AP1M1: variants seen among roughly 807,000 people sequenced by gnomAD.
AP1M1 encodes the protein adaptor related protein complex 1 subunit mu 1.
A neutral mutation model predicts 57.1 loss-of-function variants in AP1M1; 18 were observed. That is an observed-to-expected ratio of 0.32 (90% confidence interval 0.22 to 0.47). The LOEUF (loss-of-function observed/expected upper bound fraction) is 0.47. Ranked by LOEUF, AP1M1 falls within the 20% of genes least tolerant of loss-of-function variation. AP1M1 has a pLI of 1.00. For missense variants in AP1M1, 362 were observed against 593.5 expected (o/e 0.61, Z 4.05); for synonymous variants, 241 against 237.9 (o/e 1.01, Z -0.12).
intron 9 of AP1M1, among the ~76,000 whole-genome samples, chr19:16,230,365 A>G (rs921908320): frequency 6.6e-6 from 1 of 151,774 alleles, no homozygotes; most frequent in Non-Finnish European, 1.5e-5. Context: ...TCTCCTAGAC[A>G]TAATACTGTT....
rs1471632253 is a variant in AP1M1, at chr19:16,237,462, G to T, written c.*3027G>T. 2 of 151,350 alleles carry T rather than the reference G, an allele frequency of 1.3e-5. No homozygotes were observed. Among genetic ancestry groups the T allele is most frequent in the Non-Finnish European group, 2.9e-5 (2 of 68,008 alleles). 9.4% of individuals were successfully genotyped at this position (151,350 alleles called of 1,614,324 possible). A position where few individuals can be genotyped will look rare whatever the true frequency, so the allele number is the denominator to read the frequency against. ...ACACAACAAAAACCGGCCTAGCGCA[G>T]TGGCTTATGCCTGTAATCCCAGCAC... On this transcript the variant is annotated 3_prime_UTR_variant, in exon 12 of 12. Transcript: ENST00000291439.
In AP1M1 at chr19:16,200,323, A is replaced by G. The variant is rs888292247; in HGVS notation, c.42+2255A>G. Among the ~76,000 whole-genome samples the G allele has an allele frequency of 2.6e-5, 4 of 152,168 alleles. No homozygotes were observed. In the East Asian group the frequency reaches 5.8e-4, roughly 22 times the overall value. ...GGAAGTAGGTTTGGAAGGCACGATC[A>G]TGTGGAAAAGAGGTGTTGCAAGGGG... On this transcript the variant is annotated intron_variant, in intron 1 of 11. Transcript: ENST00000291439.
chr19:16,201,147 TCTC>T lies in AP1M1; in HGVS notation c.43-2308_43-2306del, dbSNP rs2091445197. 5.3e-5 allele frequency among the ~76,000 whole-genome samples: 8 copies of T among 152,256 alleles called. No individual in the cohort carries two copies. In the South Asian group the frequency reaches 1.7e-3, roughly 32 times the overall value. On this transcript the variant is annotated intron_variant, in intron 1 of 11. Transcript: ENST00000291439. ...CTGGACGTTATCCTCGCCTCCTTTG[TCTC>T]CTCACCCCTGTTTTCACTCCACAAA...
At position 16,206,329 on chromosome 19, in the gene AP1M1, G is replaced by A. The variant is rs770958269; in HGVS notation, c.200-12G>A. On this transcript the variant is annotated splice_polypyrimidine_tract_variant and intron_variant, in intron 2 of 11. Coordinates refer to ENST00000291439, the MANE Select transcript of AP1M1 (RefSeq NM_032493.4). This position sits in a 1 kb window ranked among gnomAD's most constrained non-coding sequence, Gnocchi z 4.3. Reference sequence around the variant, plus strand: ...AGCCTCTGAATGCTCCTTAACTGTGGCCGCCATGCAGTGGTTGCCACATCC... The same window carrying A: ...AGCCTCTGAATGCTCCTTAACTGTGACCGCCATGCAGTGGTTGCCACATCC... The A allele has an allele frequency of 5.0e-6, 8 of 1,614,074 alleles. No homozygotes were observed. The African/African-American group carries it at 6.7e-5, about 13-fold the overall frequency.
At chr19:16,198,264 C>T in intron 1 of AP1M1, 196 bp downstream of exon 1, 3 of 420,906 alleles carry the variant, frequency 7.1e-6, no homozygotes, top group Non-Finnish European at 1.3e-5. Flanking sequence ...TAATCCCCGC[C>T]CTGTTGCTAC....
In AP1M1 at chr19:16,242,316, AAAAAAT is replaced by A. The variant is rs1039720506; in HGVS notation, c.*7886_*7891del. The A allele has an allele frequency of 3.1e-4, 47 of 151,624 alleles. No homozygotes were observed. In the Middle Eastern group the frequency reaches 0.01, roughly 33 times the overall value. 9.4% of individuals were successfully genotyped at this position (151,624 alleles called of 1,614,324 possible). On this transcript the variant is annotated 3_prime_UTR_variant, in exon 12 of 12. Coordinates refer to ENST00000291439, the MANE Select transcript of AP1M1 (RefSeq NM_032493.4). ...CAGAGTGACACCCTGCCTCAAAAAA[AAAAAAT>A]AAAATAAAGGAAAAATCAGGATAAA...
At position 16,197,985 on chromosome 19, in the gene AP1M1, C is replaced by CGCCACCGCCCTCGGCCGCTGCCGCA; in HGVS notation, c.-19_-18insCAGCCACCGCCCTCGGCCGCTGCCG. 3 of 1,537,410 alleles carry CGCCACCGCCCTCGGCCGCTGCCGCA rather than the reference C, an allele frequency of 2.0e-6. No individual in the cohort carries two copies. Among genetic ancestry groups the CGCCACCGCCCTCGGCCGCTGCCGCA allele is most frequent in the Non-Finnish European group, 1.7e-6 (2 of 1,143,498 alleles). On this transcript the variant is annotated 5_prime_UTR_variant, in exon 1 of 12. Transcript: ENST00000291439. ...CAGCAGTCCCCACCGTCGCTGCCGC[C>CGCCACCGCCCTCGGCCGCTGCCGCA]GCCACCGCCCTCGGCCGCTGCCGAG...
chr19:16,205,370 ACCCATGAGAAGGTGAGAGGCC>A (rs974351724), intron 2 of AP1M1, among the ~76,000 whole-genome samples: 9 of 152,124 alleles, frequency 5.9e-5, no homozygotes, highest in African/African-American at 9.7e-5. Context: ...GCTGAGAGGC[ACCCATGAGAAGGTGAGAGGCC>A]CCCACTGCCC....
At position 16,239,595 on chromosome 19, in the gene AP1M1, C is replaced by A. The variant is rs2091637951; in HGVS notation, c.*5160C>A. 1 of 151,842 alleles carries A rather than the reference C, an allele frequency of 6.6e-6. No homozygotes were observed. Among genetic ancestry groups the A allele is most frequent in the Non-Finnish European group, 1.5e-5 (1 of 67,974 alleles). 9.4% of individuals were successfully genotyped at this position (151,842 alleles called of 1,614,324 possible). On this transcript the variant is annotated 3_prime_UTR_variant, in exon 12 of 12. Coordinates refer to ENST00000291439, the MANE Select transcript of AP1M1 (RefSeq NM_032493.4). The stretch of plus-strand genomic sequence containing the variant: ...GTCAGGAGTTTGAGACCAGCCTGGC[C>A]AACATGGTAAAACCTGATTGCTACT...
rs1450772183 is a variant in AP1M1 at position 16,244,717 on chromosome 19, C to T, written c.*10282C>T. The T allele has an allele frequency of 6.6e-6, 1 of 151,814 alleles. No homozygotes were observed. The highest frequency in any genetic ancestry group is 2.4e-5 in the African/African-American group (1 of 41,394). The allele number at this position is 151,814 out of a possible 1,614,324, so 9.4% of individuals were successfully genotyped here. On this transcript the variant is annotated 3_prime_UTR_variant, in exon 12 of 12. Coordinates refer to ENST00000291439, the MANE Select transcript of AP1M1 (RefSeq NM_032493.4). The stretch of plus-strand genomic sequence containing the variant: ...CGGTGGCGGGCGCCTGTAGTCCCAG[C>T]TACTCCGGAGGCTGAGGCAGGAGAA...
Position 16,228,008 on chromosome 19 carries a change from C to A in AP1M1, c.817-129C>A. ...CTGGCCCTCCCTGACGCTGGCTGTA[C>A]GCTCCCTGCAGGGCTCTGGGCCCAC... On this transcript the variant is annotated intron_variant, in intron 7 of 11. Transcript: ENST00000291439. This position sits in a 1 kb window ranked among gnomAD's most constrained non-coding sequence, Gnocchi z 5.0. 1.0e-6 allele frequency: 1 copy of A among 998,476 alleles called. No homozygotes were observed. Among genetic ancestry groups the A allele is most frequent in the Non-Finnish European group, 1.5e-6 (1 of 662,142 alleles). The allele number at this position is 998,476 out of a possible 1,614,324, so 61.9% of individuals were successfully genotyped here.
chr19:16,221,665 T>G (rs533723899), intron 5 of AP1M1, among the ~76,000 whole-genome samples: 1 of 152,372 alleles, frequency 6.6e-6, no homozygotes, highest in South Asian at 2.1e-4. Context: ...ACATCCTTTA[T>G]GTCTAAAACA....
At position 16,237,982 on chromosome 19, in the gene AP1M1, G is replaced by A. The variant is rs2091631559; in HGVS notation, c.*3547G>A. ...GCCTCTTGAGGAGCTGGGACTACAAGCACATGCCACCATGCTGGGCCAATT... is the reference window on the plus strand; with the variant it reads ...GCCTCTTGAGGAGCTGGGACTACAAACACATGCCACCATGCTGGGCCAATT... On this transcript the variant is annotated 3_prime_UTR_variant, in exon 12 of 12. Transcript: ENST00000291439. 1 of 152,048 alleles carries A rather than the reference G, an allele frequency of 6.6e-6. No individual in the cohort carries two copies. Among genetic ancestry groups the A allele is most frequent in the African/African-American group, 2.4e-5 (1 of 41,412 alleles). The allele number at this position is 152,048 out of a possible 1,614,324, so 9.4% of individuals were successfully genotyped here.
intron 5 of AP1M1, among the ~76,000 whole-genome samples, chr19:16,215,463 C>CAAAAAAAAAAA (rs59357311): frequency 9.7e-5 from 3 of 31,004 alleles, no homozygotes; most frequent in African/African-American, 2.5e-4. Flanking sequence ...GATTCCATCT[C>CAAAAAAAAAAA]AAAAAAAAAA....
At chr19:16,222,886 A>G (rs1002770077) in intron 5 of AP1M1, among the ~76,000 whole-genome samples, 1 of 152,124 alleles carries the variant, frequency 6.6e-6, no homozygotes, top group Non-Finnish European at 1.5e-5. Flanking sequence ...GAGACTTTCT[A>G]TTTTAACATT....
intron 5 of AP1M1, among the ~76,000 whole-genome samples, chr19:16,221,321 C>T (rs776536525): frequency 2.6e-5 from 4 of 152,210 alleles, no homozygotes; most frequent in Admixed American, 6.5e-5. Flanking sequence ...GTTTTCTCAG[C>T]AAGGCAAATT....
At chr19:16,231,803 GGA>G (rs2091599999) in intron 9 of AP1M1, among the ~76,000 whole-genome samples, 2 of 152,226 alleles carry the variant, frequency 1.3e-5, no homozygotes, top group African/African-American at 4.8e-5. Flanking sequence ...CCCCAGAAGT[GGA>G]ATTGCTGGAT....
At chr19:16,204,542 A>T (rs1202358678) in intron 2 of AP1M1, among the ~76,000 whole-genome samples, 2 of 152,186 alleles carry the variant, frequency 1.3e-5, no homozygotes, top group African/African-American at 4.8e-5. Context: ...CCCAGCAGGC[A>T]TGGGCTCTGT....
Position 16,228,827 on chromosome 19 carries a change from G to A in AP1M1, c.946G>A (p.Val316Met). Residue 316 changes from valine (V) to methionine (M), a missense_variant, in exon 9 of 12, where the codon GTG becomes ATG. Transcript: ENST00000291439. The surrounding 1 kb of genome is among the most constrained non-coding windows in gnomAD (Gnocchi z 5.0). Reference protein sequence around the residue: ...TANNVEIHIPVPNDADSPKFK... With the variant: ...TANNVEIHIPMPNDADSPKFK... Reference sequence around the variant, plus strand: ...CAACAACGTGGAGATCCACATTCCCGTGCCCAATGATGCCGACTCACCCAA... The same window carrying A: ...CAACAACGTGGAGATCCACATTCCCATGCCCAATGATGCCGACTCACCCAA... 1 of 1,614,164 alleles carries A rather than the reference G, an allele frequency of 6.2e-7. No individual in the cohort carries two copies. Among genetic ancestry groups the A allele is most frequent in the Non-Finnish European group, 8.5e-7 (1 of 1,180,022 alleles).
Sources: gnomAD v4.1 joint callset for allele counts (sites outside exome capture counted in the v4.1 genomes callset) on GRCh38, gnomAD v4.1.1 for gene constraint, Gnocchi (gnomAD v3.1) non-coding constraint, MANE v1.5 for transcripts, NCBI Gene and HGNC (gene_info 2026-07-23, HGNC 2026-07-21) for gene names.